Variants in RNF17 observed in about 807,000 individuals in gnomAD.
RNF17 encodes the protein ring finger protein 17, also known as spermatogenesis associated 23.
Under a neutral mutation model 200.5 loss-of-function variants are expected in RNF17, and 31 were observed. The ratio of observed to expected loss-of-function variants is 0.15; its 90% CI spans 0.12 to 0.21. The LOEUF (loss-of-function observed/expected upper bound fraction) is 0.21. RNF17 is among the 10% of genes least tolerant of loss of function. RNF17 has a pLI of 1.00. For synonymous variants in RNF17, 606 were observed against 637.8 expected, an observed-to-expected ratio of 0.95 and a Z score of 0.75; for missense variants, 1,628 against 1,905.1, an observed-to-expected ratio of 0.85 and a Z score of 2.71.
chr13:24,803,191 T>A (rs754076169), intron 14 of RNF17, among the ~76,000 whole-genome samples: 4 of 152,238 alleles, frequency 2.6e-5, no homozygotes, highest in African/African-American at 9.6e-5. Flanking sequence ...GTTTAACTGT[T>A]CCTAAATTTT....
chr13:24,819,031 T>C (rs979386089), intron 15 of RNF17, among the ~76,000 whole-genome samples: 1 of 152,198 alleles, frequency 6.6e-6, no homozygotes, highest in South Asian at 2.1e-4. Context: ...AAAATCTCTT[T>C]TGTAATTGTG....
At chr13:24,785,609 A>G (rs1331157179) in intron 6 of RNF17, among the ~76,000 whole-genome samples, 1 of 152,132 alleles carries the variant, frequency 6.6e-6, no homozygotes, top group Admixed American at 6.5e-5. Context: ...TGTTGGGTCC[A>G]ATCAGTCTAT....
intron 19 of RNF17, among the ~76,000 whole-genome samples, chr13:24,842,762 C>T (rs1793250942): frequency 1.3e-5 from 2 of 151,976 alleles, no homozygotes; most frequent in African/African-American, 4.8e-5. Context: ...CTGAGATGGG[C>T]GGATCACTTG....
intron 18 of RNF17, among the ~76,000 whole-genome samples, chr13:24,838,338 C>G (rs1239778917): frequency 6.6e-6 from 1 of 152,114 alleles, no homozygotes; most frequent in African/African-American, 2.4e-5. Flanking sequence ...TTCTATGAAG[C>G]CAGCATCACC....
downstream of RNF17, chr13:24,882,205 TATAGATAG>T (rs1377730143): frequency 6.3e-5 from 1 of 15,872 alleles, no homozygotes; most frequent in East Asian, 8.9e-3. Flanking sequence ...GATACATCTA[TATAGATAG>T]ATATAGATAC....
chr13:24,872,547 CTGAG>C (rs1427783828), intron 32 of RNF17, among the ~76,000 whole-genome samples: 1 of 149,928 alleles, frequency 6.7e-6, no homozygotes, highest in East Asian at 2.0e-4. Flanking sequence ...TTTTTTTTTA[CTGAG>C]TATTTGCTTG....
chr13:24,754,134 G>C, the RNF17 span, among the ~76,000 whole-genome samples: 1 of 151,252 alleles, frequency 6.6e-6, no homozygotes, highest in Non-Finnish European at 1.5e-5. Context: ...CTCCAGCCTG[G>C]GCGACAGAGC....
chr13:24,881,611 A>G (rs1002741806), downstream of RNF17, among the ~76,000 whole-genome samples: 5 of 151,572 alleles, frequency 3.3e-5, no homozygotes, highest in African/African-American at 4.8e-5. Flanking sequence ...TATCTAGATT[A>G]CATAGCTATC....
chr13:24,838,222 A>G (rs889449208), intron 18 of RNF17, among the ~76,000 whole-genome samples: 30 of 152,076 alleles, frequency 2.0e-4, no homozygotes, highest in African/African-American at 7.0e-4. Context: ...AAAAAAAAGG[A>G]CCAGACGGAT....
At chr13:24,818,128 A>T (rs1887612963) in intron 15 of RNF17, among the ~76,000 whole-genome samples, 2 of 151,114 alleles carry the variant, frequency 1.3e-5, no homozygotes, top group Non-Finnish European at 1.5e-5. Flanking sequence ...TTCTCTTAGG[A>T]TTTCTTCTTT....
chr13:24,789,769 CAAAGTAAGTATTTATAAGCATGGTA>C lies in RNF17; in HGVS notation c.934_935+23del, dbSNP rs1566136174. ...GGAAAGATTGAATTTAGGGACTCAA[CAAAGTAAGTATTTATAAGCATGGTA>C]ACATGCCATTAGTGTCTGACAGTAC... On this transcript the variant is annotated splice_donor_variant and splice_donor_5th_base_variant and coding_sequence_variant and intron_variant, in exon 9 of 36. Coordinates refer to ENST00000255324, the MANE Select transcript of RNF17 (RefSeq NM_031277.3). LOFTEE classifies it high-confidence loss of function. The C allele has an allele frequency of 6.5e-7, 1 of 1,549,130 alleles. No individual in the cohort carries two copies. Among genetic ancestry groups the C allele is most frequent in the East Asian group, 2.2e-5 (1 of 44,452 alleles).
intron 11 of RNF17, among the ~76,000 whole-genome samples, chr13:24,797,555 TGA>T (rs1566146592): frequency 1.3e-5 from 2 of 152,136 alleles, no homozygotes; most frequent in Non-Finnish European, 2.9e-5. Flanking sequence ...ATGTCTGTGT[TGA>T]GTTTGCACAT....
chr13:24,833,831 G>A (rs143207305), intron 18 of RNF17, among the ~76,000 whole-genome samples: 89 of 152,286 alleles, frequency 5.8e-4, no homozygotes, highest in African/African-American at 2.0e-3. Context: ...CCATTAATAC[G>A]TGCTGTGTTA....
At position 24,850,434 on chromosome 13, in the gene RNF17, G is replaced by A. The variant is rs1442389972; in HGVS notation, c.3195G>A (p.Val1065=). 2 of 1,597,980 alleles carry A rather than the reference G, an allele frequency of 1.3e-6. No homozygotes were observed. Among genetic ancestry groups the A allele is most frequent in the East Asian group, 4.5e-5 (2 of 44,754 alleles). The change falls in exon 23 of 36, where the codon GTG becomes GTA. Residue 1065 remains valine, a synonymous_variant. Coordinates refer to ENST00000255324, the MANE Select transcript of RNF17 (RefSeq NM_031277.3). ...TGAVATIILQ[V]DSEENNTTWP... ...CTGTAGCAACTATAATCTTACAGGT[G>A]GATAGTGAGGTAACAAGTTACAAGA...
chr13:24,786,367 T>C (rs1883110086), intron 6 of RNF17, among the ~76,000 whole-genome samples: 1 of 152,232 alleles, frequency 6.6e-6, no homozygotes, highest in Admixed American at 6.5e-5. Flanking sequence ...TGTATACCTG[T>C]TAAGATAGAT....
intron 4 of RNF17, 65 bp from the exon 5 acceptor site, chr13:24,779,600 AAT>A: frequency 2.4e-6 from 3 of 1,258,782 alleles, no homozygotes; most frequent in South Asian, 1.3e-5. Flanking sequence ...TTGCAACTAT[AAT>A]ATATATATGT....
At position 24,851,413 on chromosome 13, in the gene RNF17, C is replaced by G. The variant is rs1481922703; in HGVS notation, c.3205-43C>G. ...ATGCACATTGTTTATATGAAGATTT[C>G]ATTTTGGTGTTTCATATTTACTCTG... On this transcript the variant is annotated intron_variant, in intron 23 of 35. Coordinates refer to ENST00000255324, the MANE Select transcript of RNF17 (RefSeq NM_031277.3). 5 of 1,284,068 alleles carry G rather than the reference C, an allele frequency of 3.9e-6. No individual in the cohort carries two copies. The South Asian group carries it at 6.2e-5, about 16-fold the overall frequency. 79.5% of individuals were successfully genotyped at this position (1,284,068 alleles called of 1,614,324 possible). A position where few individuals can be genotyped will look rare whatever the true frequency, so the allele number is the denominator to read the frequency against.
intron 15 of RNF17, among the ~76,000 whole-genome samples, chr13:24,805,808 A>G (rs993185300): frequency 6.6e-6 from 1 of 152,034 alleles, no homozygotes; most frequent in African/African-American, 2.4e-5. Flanking sequence ...GCAGTTTTAC[A>G]TTCTTACCAG....
Position 24,800,281 on chromosome 13 carries a change from C to T in RNF17, c.1590-85C>T, listed in dbSNP as rs535773017. 241 of 904,980 alleles carry T rather than the reference C, an allele frequency of 2.7e-4. 2 individuals carry two copies. The East Asian group carries it at 5.9e-3, about 22-fold the overall frequency. 56.1% of individuals were successfully genotyped at this position (904,980 alleles called of 1,614,324 possible). On this transcript the variant is annotated intron_variant, in intron 12 of 35. Transcript: ENST00000255324. The stretch of plus-strand genomic sequence containing the variant: ...AAGGTGTAACTTAAGAAAAATTATA[C>T]TTAGAAATGCATACCTTCTGTGGGG...
Sources: allele counts gnomAD v4.1 joint callset (sites outside exome capture counted in the v4.1 genomes callset), GRCh38; gene constraint gnomAD v4.1.1; transcripts MANE v1.5; gene names NCBI Gene and HGNC (gene_info 2026-07-23, HGNC 2026-07-21).